Variants in FBXO16 observed in about 807,000 individuals in gnomAD.
FBXO16 encodes F-box only protein 16.
A neutral mutation model predicts 41.0 loss-of-function variants in FBXO16; 31 were observed. The observed-to-expected ratio is 0.76, with a 90% confidence interval of 0.57 to 1.02. The LOEUF (loss-of-function observed/expected upper bound fraction) is 1.02, where lower values mean the gene tolerates loss of function less well. FBXO16 is among the 50% of genes least tolerant of loss of function. The probability of loss-of-function intolerance (pLI) is 0.00; values close to 1 mark genes in which losing one functional copy is unlikely to be tolerated. For synonymous variants in FBXO16, 133 were observed against 117.8 expected, an observed-to-expected ratio of 1.13 and a Z score of -0.84; for missense variants, 361 against 346.2, an observed-to-expected ratio of 1.04 and a Z score of -0.34.
chr8:28,435,285 C>T (rs980643846), intron 7 of FBXO16, among the ~76,000 whole-genome samples: 1 of 152,052 alleles, frequency 6.6e-6, no homozygotes, highest in Non-Finnish European at 1.5e-5. Flanking sequence ...ATTCTCCTGC[C>T]TCAGCCTCCC....
In FBXO16 at chr8:28,452,429, T is replaced by C; in HGVS notation, c.555A>G (p.Thr185=). ...ACTGTTTTTCCTCTGGAGAATTGCT[T>C]GTAACTAGTTGAACGTCAGCGATTA... is the stretch of plus-strand genomic sequence containing the variant. The part of the protein sequence containing the change: ...GFVIADVQLV[T]SNSPEEKQSP... Residue 185 remains threonine, a synonymous_variant, in exon 6 of 9, where the codon ACA becomes ACG. Transcript: ENST00000380254. 3 of 1,614,198 alleles carry C rather than the reference T, an allele frequency of 1.9e-6. No individual in the cohort carries two copies. In the African/African-American group the frequency reaches 4.0e-5, roughly 22 times the overall value.
At chr8:28,449,288 T>C (rs1426176004) in intron 6 of FBXO16, among the ~76,000 whole-genome samples, 4 of 150,332 alleles carry the variant, frequency 2.7e-5, no homozygotes, top group African/African-American at 7.3e-5. Flanking sequence ...TGAAGTGACA[T>C]GTAGATCGAA....
chr8:28,447,789 A>C (rs547195936), intron 6 of FBXO16, among the ~76,000 whole-genome samples: 1 of 152,234 alleles, frequency 6.6e-6, no homozygotes, highest in African/African-American at 2.4e-5. Context: ...CCCCATCTCT[A>C]CTAAAAATAC....
intron 7 of FBXO16, among the ~76,000 whole-genome samples, chr8:28,444,959 A>G (rs752118673): frequency 6.6e-6 from 1 of 151,692 alleles, no homozygotes; most frequent in African/African-American, 2.4e-5. Context: ...ATCATCTTGC[A>G]TCACTTAGGA....
At chr8:28,483,912 T>C (rs983213358) in intron 1 of FBXO16, among the ~76,000 whole-genome samples, 8 of 152,172 alleles carry the variant, frequency 5.3e-5, no homozygotes, top group African/African-American at 1.4e-4. Flanking sequence ...AGAGCATTTA[T>C]TGGGGGCATG....
chr8:28,477,223 C>T (rs763172721), intron 2 of FBXO16, among the ~76,000 whole-genome samples: 10 of 152,056 alleles, frequency 6.6e-5, no homozygotes, highest in Non-Finnish European at 1.3e-4. Flanking sequence ...ACATATTTCA[C>T]ATTTTACTAC....
intron 3 of FBXO16, among the ~76,000 whole-genome samples, chr8:28,465,965 A>C (rs148016326): frequency 0.011 from 1,730 of 152,252 alleles, 23 homozygotes; most frequent in Non-Finnish European, 0.014. Context: ...CCTTCCATAA[A>C]TTTTAACATT....
chr8:28,437,342 A>G (rs1041506284), intron 7 of FBXO16, among the ~76,000 whole-genome samples: 1 of 152,244 alleles, frequency 6.6e-6, no homozygotes, highest in African/African-American at 2.4e-5. Context: ...AGACACAACA[A>G]GTAAACTCGG....
At chr8:28,441,671 G>A (rs1316539519) in intron 7 of FBXO16, among the ~76,000 whole-genome samples, 4 of 150,272 alleles carry the variant, frequency 2.7e-5, no homozygotes, top group African/African-American at 9.8e-5. Context: ...GGGAGGTGGA[G>A]GTTGCAGTGA....
chr8:28,481,062 G>A (rs1356035629), intron 2 of FBXO16, among the ~76,000 whole-genome samples: 1 of 147,570 alleles, frequency 6.8e-6, no homozygotes, highest in Non-Finnish European at 1.5e-5. Context: ...CGGGGGCCCC[G>A]AGCCGGGCCT....
intron 7 of FBXO16, among the ~76,000 whole-genome samples, chr8:28,444,673 G>T (rs1023073199): frequency 6.7e-6 from 1 of 150,156 alleles, no homozygotes; most frequent in African/African-American, 2.5e-5. Context: ...GTAGAGACGG[G>T]ATTTCACCGT....
At chr8:28,430,316 C>T (rs551759210) in intron 7 of FBXO16, among the ~76,000 whole-genome samples, 48 of 152,284 alleles carry the variant, frequency 3.2e-4, no homozygotes, top group African/African-American at 1.1e-3. Context: ...CGAGCTCAAG[C>T]AATCCTCCCG....
intron 3 of FBXO16, among the ~76,000 whole-genome samples, chr8:28,466,283 T>C (rs1040084617): frequency 5.3e-5 from 8 of 152,110 alleles, no homozygotes; most frequent in African/African-American, 1.9e-4. Context: ...TAGAAATACT[T>C]CCTAAATAAA....
chr8:28,442,619 G>A (rs1030524284), intron 7 of FBXO16, among the ~76,000 whole-genome samples: 15 of 151,938 alleles, frequency 9.9e-5, no homozygotes, highest in Non-Finnish European at 2.9e-5. Context: ...CCTGACCTCA[G>A]GTGATCCGCC....
intron 3 of FBXO16, among the ~76,000 whole-genome samples, chr8:28,467,923 T>C (rs1803271953): frequency 6.6e-6 from 1 of 152,216 alleles, no homozygotes; most frequent in Non-Finnish European, 1.5e-5. Context: ...TCTAATTGTG[T>C]TTGTTTAGGC....
At chr8:28,452,133 G>GA in intron 6 of FBXO16, 111 bp downstream of exon 6, 1 of 1,082,750 alleles carries the variant, frequency 9.2e-7, no homozygotes, top group Non-Finnish European at 1.3e-6. Flanking sequence ...TCTATGTACT[G>GA]AAAAGCTTTT....
At chr8:28,449,564 A>G (rs2130119955) in intron 6 of FBXO16, among the ~76,000 whole-genome samples, 1 of 151,966 alleles carries the variant, frequency 6.6e-6, no homozygotes, top group East Asian at 1.9e-4. Flanking sequence ...CTCAGGTGAT[A>G]CTTCTGCCTC....
rs902864062 is a variant in FBXO16, at chr8:28,463,923, A to C, written c.136-105T>G. 7 of 1,054,260 alleles carry C rather than the reference A, an allele frequency of 6.6e-6. No homozygotes were observed. In the Admixed American group the frequency reaches 1.8e-4, roughly 27 times the overall value. The allele number at this position is 1,054,260 out of a possible 1,614,324, so 65.3% of individuals were successfully genotyped here. On this transcript the variant is annotated intron_variant, in intron 3 of 8. Transcript: ENST00000380254. ...AATGGCATAGAAAGGGAGTTTAGTA[A>C]TTTATTTCTAGTATTTATTTCCCTA...
At chr8:28,439,720 T>G (rs145067235) in intron 7 of FBXO16, among the ~76,000 whole-genome samples, 5,453 of 151,282 alleles carry the variant, frequency 0.036, 121 homozygotes, top group Non-Finnish European at 0.043. Flanking sequence ...CACTCCAGCC[T>G]GAGTGACAGA....
Sources: gnomAD v4.1 joint callset for allele counts (sites outside exome capture counted in the v4.1 genomes callset) on GRCh38, gnomAD v4.1.1 for gene constraint, MANE v1.5 for transcripts, NCBI Gene and HGNC (gene_info 2026-07-23, HGNC 2026-07-21) for gene names.